Variants in PLEKHM3 observed in about 807,000 individuals in gnomAD.
PLEKHM3 encodes the protein pleckstrin homology domain-containing family M member 3.
Under a neutral mutation model 81.8 loss-of-function variants are expected in PLEKHM3, and 45 were observed. The observed-to-expected ratio is 0.55, with a 90% CI of 0.43 to 0.71. The LOEUF (loss-of-function observed/expected upper bound fraction) is 0.71. Ranked by LOEUF, PLEKHM3 falls within the 30% of genes least tolerant of loss-of-function variation. The pLI is 0.00. For missense variants in PLEKHM3, 788 were observed against 924.3 expected (o/e 0.85, Z 1.91); for synonymous variants, 352 against 356.4 (o/e 0.99, Z 0.14).
chr2:207,907,860 G>C (rs1398529988), intron 6 of PLEKHM3, among the ~76,000 whole-genome samples: 2 of 152,098 alleles, frequency 1.3e-5, no homozygotes, highest in African/African-American at 4.8e-5. Flanking sequence ...GCTCTCCCCA[G>C]GCCCTGGCAA....
At chr2:207,923,880 C>CACATATAT (rs1319162543) in intron 5 of PLEKHM3, among the ~76,000 whole-genome samples, 3 of 56,786 alleles carry the variant, frequency 5.3e-5, no homozygotes, top group African/African-American at 1.4e-4. Context: ...CACACACACA[C>CACATATAT]ATATATATAT....
intron 7 of PLEKHM3, among the ~76,000 whole-genome samples, chr2:207,833,316 C>A (rs573400836): frequency 6.6e-6 from 1 of 152,266 alleles, no homozygotes; most frequent in East Asian, 1.9e-4. Flanking sequence ...CTGTGTGATA[C>A]ATGAAATGAA....
chr2:207,859,668 G>C (rs1368307881), intron 7 of PLEKHM3, among the ~76,000 whole-genome samples: 7 of 151,824 alleles, frequency 4.6e-5, no homozygotes, highest in Admixed American at 4.6e-4. Context: ...CGTAATCTCA[G>C]CTTACTATAG....
chr2:207,998,498 G>A (rs1431735655), intron 2 of PLEKHM3, among the ~76,000 whole-genome samples: 3 of 152,174 alleles, frequency 2.0e-5, no homozygotes, highest in African/African-American at 7.2e-5. Flanking sequence ...GGGCAACTAA[G>A]TGAGACCCTG....
intron 7 of PLEKHM3, among the ~76,000 whole-genome samples, chr2:207,855,153 A>C (rs1051803697): frequency 6.6e-6 from 1 of 152,176 alleles, no homozygotes; most frequent in African/African-American, 2.4e-5. Context: ...TTAGGGCAGG[A>C]AATAAGTAAG....
chr2:207,916,408 T>A (rs1688993194), intron 5 of PLEKHM3, among the ~76,000 whole-genome samples: 1 of 152,076 alleles, frequency 6.6e-6, no homozygotes, highest in Admixed American at 6.6e-5. Flanking sequence ...ATATAACACT[T>A]CCCCCGCAAT....
intron 6 of PLEKHM3, among the ~76,000 whole-genome samples, chr2:207,892,195 T>C (rs765134298): frequency 8.5e-5 from 13 of 152,176 alleles, no homozygotes; most frequent in Non-Finnish European, 1.6e-4. Flanking sequence ...AACCTAGCAC[T>C]GAACAGATCC....
intron 1 of PLEKHM3, among the ~76,000 whole-genome samples, chr2:208,010,634 T>C (rs968607501): frequency 6.6e-6 from 1 of 152,200 alleles, no homozygotes; most frequent in East Asian, 1.9e-4. Context: ...GTAGGTTCCA[T>C]CAGGGCCAAG....
intron 6 of PLEKHM3, among the ~76,000 whole-genome samples, chr2:207,895,646 T>C (rs78163802): frequency 0.016 from 2,499 of 152,320 alleles, 73 homozygotes; most frequent in African/African-American, 0.057. Flanking sequence ...ATGGGCTCTC[T>C]GTTGTTAGCC....
chr2:207,841,844 A>G (rs1303086015), intron 7 of PLEKHM3, among the ~76,000 whole-genome samples: 1 of 152,128 alleles, frequency 6.6e-6, no homozygotes, highest in Non-Finnish European at 1.5e-5. Context: ...ATCTGATAGA[A>G]ACAGTCTCCC....
intron 6 of PLEKHM3, among the ~76,000 whole-genome samples, chr2:207,903,449 A>G (rs1688507491): frequency 6.6e-6 from 1 of 152,182 alleles, no homozygotes; most frequent in East Asian, 1.9e-4. Context: ...AATCGCCACA[A>G]ATAGAATCAT....
chr2:207,883,504 C>G (rs796408629), intron 6 of PLEKHM3, among the ~76,000 whole-genome samples: 7 of 152,328 alleles, frequency 4.6e-5, no homozygotes, highest in African/African-American at 1.7e-4. Flanking sequence ...GTGAACGAGT[C>G]TCACTTGAGA....
intron 1 of PLEKHM3, among the ~76,000 whole-genome samples, chr2:208,023,139 A>G (rs1693180828): frequency 6.6e-6 from 1 of 151,816 alleles, no homozygotes; most frequent in African/African-American, 2.4e-5. Context: ...TATGAAATTT[A>G]CCATATTAAC....
chr2:207,845,461 C>A (rs965656675), intron 7 of PLEKHM3, among the ~76,000 whole-genome samples: 1 of 152,176 alleles, frequency 6.6e-6, no homozygotes, highest in Admixed American at 6.5e-5. Flanking sequence ...AAAGCACATG[C>A]TAAAAACCGA....
At chr2:207,907,677 T>A (rs567972981) in intron 6 of PLEKHM3, among the ~76,000 whole-genome samples, 5 of 152,336 alleles carry the variant, frequency 3.3e-5, no homozygotes, top group Non-Finnish European at 7.3e-5. Context: ...CATACAAATT[T>A]TTAATTGGGA....
chr2:208,000,047 C>T (rs1692244465), intron 2 of PLEKHM3, among the ~76,000 whole-genome samples: 1 of 152,126 alleles, frequency 6.6e-6, no homozygotes, highest in Non-Finnish European at 1.5e-5. Context: ...AAAGGAAATT[C>T]TGGGGAAAAT....
chr2:208,012,850 C>A (rs1692748515), intron 1 of PLEKHM3, among the ~76,000 whole-genome samples: 1 of 152,220 alleles, frequency 6.6e-6, no homozygotes, highest in African/African-American at 2.4e-5. Context: ...ACAATTACTA[C>A]TTCTATTAGA....
At chr2:207,966,564 T>C (rs908728421) in intron 3 of PLEKHM3, among the ~76,000 whole-genome samples, 4 of 152,208 alleles carry the variant, frequency 2.6e-5, no homozygotes, top group Non-Finnish European at 4.4e-5. Context: ...ATTTTTTCTT[T>C]TTTTTTGAGA....
rs77126661 is a variant in PLEKHM3, at chr2:207,914,882, T to G, written c.1887-6305A>C. Among the ~76,000 whole-genome samples the G allele has an allele frequency of 4.3e-3, 651 of 152,316 alleles. 3 individuals are homozygous for G. The highest frequency in any genetic ancestry group is 0.015 in the African/African-American group (613 of 41,572). ...TGACGTCACTGTATTGCAGGGGCTA[T>G]TAATCATCATGTCTGGCAGCATTTC... On this transcript the variant is annotated intron_variant, in intron 5 of 7. Transcript: ENST00000427836.
Sources: gnomAD v4.1 joint callset for allele counts (sites outside exome capture counted in the v4.1 genomes callset) on GRCh38, gnomAD v4.1.1 for gene constraint, MANE v1.5 for transcripts, NCBI Gene and HGNC (gene_info 2026-07-23, HGNC 2026-07-21) for gene names.